The following SLC24A2 variants were observed in gnomAD, a reference collection of about 807,000 sequenced individuals.
SLC24A2 encodes the protein sodium/potassium/calcium exchanger 2.
A neutral mutation model predicts 62.0 loss-of-function variants in SLC24A2; 36 were observed. The ratio of observed to expected loss-of-function variants is 0.58; its 90% CI spans 0.44 to 0.77. SLC24A2 has a LOEUF of 0.77. SLC24A2 is among the 30% of genes least tolerant of loss of function. SLC24A2 has a pLI of 0.00. For synonymous variants in SLC24A2, 358 were observed against 294.0 expected, an observed-to-expected ratio of 1.22 and a Z score of -2.23; for missense variants, 846 against 817.9, an observed-to-expected ratio of 1.03 and a Z score of -0.42.
At chr9:19,521,175 G>T in intron 9 of SLC24A2, 115 bp from the exon 10 acceptor site, 1 of 924,302 alleles carries the variant, frequency 1.1e-6, no homozygotes, top group Non-Finnish European at 1.7e-6. Context: ...GCTATGCAAA[G>T]TGCTGAGATG....
the SLC24A2 span, among the ~76,000 whole-genome samples, chr9:20,189,094 C>A: frequency 6.9e-6 from 1 of 144,378 alleles, no homozygotes; most frequent in Non-Finnish European, 1.5e-5. Flanking sequence ...TTTTTTTTTC[C>A]CAGTTGATTT....
At chr9:19,858,327 T>C in the SLC24A2 span, among the ~76,000 whole-genome samples, 1 of 152,204 alleles carries the variant, frequency 6.6e-6, no homozygotes, top group Non-Finnish European at 1.5e-5. Context: ...ATTGGACTCC[T>C]TTCTTACACC....
chr9:20,031,945 A>G, the SLC24A2 span, among the ~76,000 whole-genome samples: 72,299 of 152,024 alleles, frequency 0.48, 18,440 homozygotes, highest in East Asian at 0.71. Context: ...CCGATATCAA[A>G]ATATCAATAT....
At chr9:20,061,665 C>T in the SLC24A2 span, among the ~76,000 whole-genome samples, 1 of 152,122 alleles carries the variant, frequency 6.6e-6, no homozygotes, top group Non-Finnish European at 1.5e-5. Context: ...GTTGTGCTAG[C>T]ACCACATACA....
At chr9:20,294,233 AC>A in the SLC24A2 span, among the ~76,000 whole-genome samples, 1 of 151,630 alleles carries the variant, frequency 6.6e-6, no homozygotes, top group Non-Finnish European at 1.5e-5. Flanking sequence ...TCTCCCATGG[AC>A]CCTCTTTCCT....
chr9:20,084,914 A>C, the SLC24A2 span, among the ~76,000 whole-genome samples: 1 of 152,212 alleles, frequency 6.6e-6, no homozygotes, highest in Non-Finnish European at 1.5e-5. Flanking sequence ...TGAGAGCTAC[A>C]GGAGATTGGG....
At chr9:20,129,376 C>G in the SLC24A2 span, among the ~76,000 whole-genome samples, 1 of 152,118 alleles carries the variant, frequency 6.6e-6, no homozygotes, top group Non-Finnish European at 1.5e-5. Context: ...CTGCTGAAAA[C>G]TGTTTGATAC....
the SLC24A2 span, among the ~76,000 whole-genome samples, chr9:20,288,614 C>A: frequency 6.6e-6 from 1 of 151,720 alleles, no homozygotes; most frequent in African/African-American, 2.4e-5. Context: ...ACTAAAAATA[C>A]AAAAAATTAG....
chr9:19,959,517 C>A, the SLC24A2 span, among the ~76,000 whole-genome samples: 1 of 152,164 alleles, frequency 6.6e-6, no homozygotes, highest in South Asian at 2.1e-4. Context: ...TGGTTCCTAC[C>A]TTTTGAAAAC....
At chr9:19,547,420 G>A (rs2132733437) in intron 8 of SLC24A2, among the ~76,000 whole-genome samples, 1 of 152,310 alleles carries the variant, frequency 6.6e-6, no homozygotes, top group South Asian at 2.1e-4. Context: ...GCATCAGCCA[G>A]AGCAGTTGTC....
the SLC24A2 span, among the ~76,000 whole-genome samples, chr9:20,283,212 G>T: frequency 6.6e-6 from 1 of 152,210 alleles, no homozygotes; most frequent in Non-Finnish European, 1.5e-5. Flanking sequence ...TGAGCATCTA[G>T]TTATTGGCCA....
At chr9:19,869,351 C>G in the SLC24A2 span, among the ~76,000 whole-genome samples, 1 of 152,230 alleles carries the variant, frequency 6.6e-6, no homozygotes, top group East Asian at 1.9e-4. Flanking sequence ...CTATTTTTGA[C>G]AATAATTCAC....
the SLC24A2 span, among the ~76,000 whole-genome samples, chr9:20,163,051 T>C: frequency 9.7e-4 from 147 of 152,244 alleles, no homozygotes; most frequent in African/African-American, 3.3e-3. Flanking sequence ...ACTGGAAGCA[T>C]TCCCTTTGAA....
At chr9:19,828,041 G>A in the SLC24A2 span, among the ~76,000 whole-genome samples, 26 of 152,162 alleles carry the variant, frequency 1.7e-4, no homozygotes, top group Non-Finnish European at 3.2e-4. Flanking sequence ...ACCCAGCCTG[G>A]TTTTATGACG....
the SLC24A2 span, among the ~76,000 whole-genome samples, chr9:20,235,325 T>G: frequency 9.9e-5 from 15 of 152,224 alleles, no homozygotes; most frequent in Non-Finnish European, 1.6e-4. Flanking sequence ...CCCCCAGAGG[T>G]GGAGCCTACA....
chr9:19,744,189 A>G (rs1821762209), intron 2 of SLC24A2, among the ~76,000 whole-genome samples: 1 of 152,156 alleles, frequency 6.6e-6, no homozygotes, highest in South Asian at 2.1e-4. Flanking sequence ...GGTCTTGTCC[A>G]TATTACTGAG....
chr9:19,694,787 G>A (rs921879382), intron 2 of SLC24A2, among the ~76,000 whole-genome samples: 4 of 152,132 alleles, frequency 2.6e-5, no homozygotes, highest in South Asian at 2.1e-4. Flanking sequence ...GAGACAGGAG[G>A]CTGAGCATCT....
At position 19,535,349 on chromosome 9, in the gene SLC24A2, T is replaced by G. The variant is rs932663838; in HGVS notation, c.1480-7211A>C. Among the ~76,000 whole-genome samples, 14 of 152,290 alleles carry G rather than the reference T, an allele frequency of 9.2e-5. 1 individual carries two copies. The highest frequency in any genetic ancestry group is 2.6e-4 in the African/African-American group (11 of 41,546). ...TTCCTTTTGCTGTGCAGAAGCTCTT[T>G]AGTTTAATGAGATCCCAGTTGCCAA... On this transcript the variant is annotated intron_variant, in intron 8 of 10. Coordinates refer to ENST00000341998, the MANE Select transcript of SLC24A2 (RefSeq NM_020344.4).
chr9:19,740,881 AAAAG>A (rs1821654833), intron 2 of SLC24A2, among the ~76,000 whole-genome samples: 1 of 151,940 alleles, frequency 6.6e-6, no homozygotes, highest in African/African-American at 2.4e-5. Flanking sequence ...CAAAAAAAAA[AAAAG>A]AGAGAGAGAA....
Sources: gnomAD v4.1 joint callset for allele counts (sites outside exome capture counted in the v4.1 genomes callset) on GRCh38, gnomAD v4.1.1 for gene constraint, MANE v1.5 for transcripts, NCBI Gene and HGNC (gene_info 2026-07-23, HGNC 2026-07-21) for gene names.